The following CSMD3 variants were observed in gnomAD, a reference collection of about 807,000 sequenced individuals.
CSMD3 encodes CUB and sushi domain-containing protein 3.
CSMD3 carries 177 observed loss-of-function variants against 435.2 expected under a neutral mutation model. That is an observed-to-expected ratio of 0.41 (90% confidence interval 0.36 to 0.46). CSMD3 has a LOEUF of 0.46. Among genes scored for constraint, CSMD3 ranks in the 20% least tolerant of loss-of-function variants. The pLI is 0.34. For missense variants in CSMD3, 4,265 were observed against 4,504.6 expected (o/e 0.95, Z 1.52); for synonymous variants, 1,656 against 1,520.5 (o/e 1.09, Z -2.07).
chr8:113,139,621 A>G (rs1347414384), intron 4 of CSMD3, among the ~76,000 whole-genome samples: 1 of 151,244 alleles, frequency 6.6e-6, no homozygotes, highest in Non-Finnish European at 1.5e-5. Flanking sequence ...TTTAAACAGC[A>G]TTCCACAAAT....
intron 9 of CSMD3, among the ~76,000 whole-genome samples, chr8:112,936,960 A>G (rs1261035039): frequency 2.0e-5 from 3 of 152,104 alleles, no homozygotes; most frequent in Non-Finnish European, 4.4e-5. Context: ...TTTTACATTA[A>G]CATTGCAATT....
chr8:113,046,375 T>C (rs1309880817), intron 5 of CSMD3, among the ~76,000 whole-genome samples: 2 of 149,198 alleles, frequency 1.3e-5, no homozygotes, highest in African/African-American at 4.9e-5. Context: ...CAAACAACAA[T>C]AACAAAACAA....
At chr8:112,681,060 G>A in intron 16 of CSMD3, among the ~76,000 whole-genome samples, 1 of 147,512 alleles carries the variant, frequency 6.8e-6, no homozygotes, top group Admixed American at 6.8e-5. Context: ...TTTTAAGACA[G>A]AGTCTTGCTC....
chr8:112,402,636 A>T (rs1032706925), intron 35 of CSMD3, among the ~76,000 whole-genome samples: 1 of 152,146 alleles, frequency 6.6e-6, no homozygotes, highest in African/African-American at 2.4e-5. Flanking sequence ...CTACATAAAT[A>T]TATTAAAAGT....
At chr8:113,273,175 TA>T (rs2093543013) in intron 3 of CSMD3, among the ~76,000 whole-genome samples, 1 of 152,030 alleles carries the variant, frequency 6.6e-6, no homozygotes, top group Non-Finnish European at 1.5e-5. Context: ...TTTGTTTAAA[TA>T]AAACATTTTC....
At chr8:112,292,878 G>A (rs1046226501) in intron 54 of CSMD3, among the ~76,000 whole-genome samples, 168 bp from the exon 55 acceptor site, 1 of 152,066 alleles carries the variant, frequency 6.6e-6, no homozygotes, top group African/African-American at 2.4e-5. Context: ...GATGAACAAA[G>A]TAGAATGTCA....
Position 112,907,816 on chromosome 8 carries a change from T to A in CSMD3, c.1633+13811A>T, listed in dbSNP as rs969294211. 3.9e-4 allele frequency among the ~76,000 whole-genome samples: 59 copies of A among 151,502 alleles called. 1 individual carries two copies. The highest frequency in any genetic ancestry group is 1.1e-3 in the Admixed American group (16 of 15,132). Reference sequence around the variant, plus strand: ...ATATAGCAATGAATTATCTGCAGAATAGAAAAAGTAATGTTTTAAAGTAAG... The same window carrying A: ...ATATAGCAATGAATTATCTGCAGAAAAGAAAAAGTAATGTTTTAAAGTAAG... On this transcript the variant is annotated intron_variant, in intron 10 of 70. Transcript: ENST00000297405.
intron 24 of CSMD3, among the ~76,000 whole-genome samples, chr8:112,572,037 TAA>T (rs769667339): frequency 6.9e-6 from 1 of 145,386 alleles, no homozygotes; most frequent in Non-Finnish European, 1.5e-5. Flanking sequence ...ACAGCATATT[TAA>T]AAAAAAAAAA....
chr8:113,159,474 C>T (rs72685890), intron 4 of CSMD3, among the ~76,000 whole-genome samples: 14,614 of 151,858 alleles, frequency 0.096, 915 homozygotes, highest in Middle Eastern at 0.17. Flanking sequence ...CCATTACAAC[C>T]CTGAGTTCTC....
At chr8:112,602,260 T>C (rs1431730317) in intron 22 of CSMD3, among the ~76,000 whole-genome samples, 1 of 152,074 alleles carries the variant, frequency 6.6e-6, no homozygotes, top group Non-Finnish European at 1.5e-5. Context: ...CTTGAACAAA[T>C]AAAGGGTTAG....
At chr8:112,499,547 A>G (rs1224755932) in intron 30 of CSMD3, among the ~76,000 whole-genome samples, 1 of 152,092 alleles carries the variant, frequency 6.6e-6, no homozygotes, top group African/African-American at 2.4e-5. Context: ...ATAGACCACA[A>G]AACAAATCCT....
At chr8:113,198,618 A>G (rs1395696555) in intron 3 of CSMD3, among the ~76,000 whole-genome samples, 1 of 151,276 alleles carries the variant, frequency 6.6e-6, no homozygotes, top group Non-Finnish European at 1.5e-5. Context: ...GAAGTCCATA[A>G]TTACATTTTA....
chr8:112,319,918 T>C lies in CSMD3; in HGVS notation c.7229A>G (p.Asp2410Gly), dbSNP rs747417151. The C allele has an allele frequency of 1.2e-6, 2 of 1,611,462 alleles. No individual in the cohort carries two copies. The highest frequency in any genetic ancestry group is 1.7e-6 in the Non-Finnish European group (2 of 1,177,852). Reference sequence around the variant, plus strand: ...AGCTTTACCTATTTCAAATTCATCATCTTCCGTCAAAATTTCAGCATTGGG... The same window carrying C: ...AGCTTTACCTATTTCAAATTCATCACCTTCCGTCAAAATTTCAGCATTGGG... ...PVPNAEILTE[D>G]DEFEIGDIIR... Residue 2410 changes from aspartate (D) to glycine (G), a missense_variant, in exon 46 of 71, where the codon GAT becomes GGT. This residue lies in a region of CSMD3 where 3,255 missense variants were observed against 3,380.2 expected (regional missense o/e 0.96). Transcript: ENST00000297405.
chr8:113,032,211 A>G (rs2087140894), intron 5 of CSMD3, among the ~76,000 whole-genome samples: 1 of 151,648 alleles, frequency 6.6e-6, no homozygotes, highest in East Asian at 1.9e-4. Flanking sequence ...CGACTTTGGA[A>G]GTGGGTAAAA....
At chr8:113,233,008 G>A (rs983956559) in intron 3 of CSMD3, among the ~76,000 whole-genome samples, 2 of 151,776 alleles carry the variant, frequency 1.3e-5, no homozygotes, top group African/African-American at 4.8e-5. Flanking sequence ...TTTGTAGGCT[G>A]AAAAAGTTAA....
intron 21 of CSMD3, among the ~76,000 whole-genome samples, chr8:112,637,869 T>C (rs1459887742): frequency 6.6e-6 from 1 of 151,994 alleles, no homozygotes; most frequent in Non-Finnish European, 1.5e-5. Context: ...ATCCAAACAT[T>C]TCCACCCAAA....
In CSMD3 at chr8:112,383,672, T is replaced by C. The variant is rs1283771635; in HGVS notation, c.5935-9A>G. ...AAGCTAACAACTTGCACCTGTGAAA[T>C]AATAATTACAGGTAAGAATACACAT... On this transcript the variant is annotated splice_polypyrimidine_tract_variant and intron_variant, in intron 36 of 70. Coordinates refer to ENST00000297405, the MANE Select transcript of CSMD3 (RefSeq NM_198123.2). The C allele has an allele frequency of 2.0e-6, 3 of 1,503,942 alleles. No homozygotes were observed. The African/African-American group carries it at 4.1e-5, about 21-fold the overall frequency. The allele number at this position is 1,503,942 out of a possible 1,614,324, so 93.2% of individuals were successfully genotyped here.
intron 1 of CSMD3, among the ~76,000 whole-genome samples, chr8:113,390,018 C>T (rs1397571008): frequency 1.3e-5 from 2 of 151,734 alleles, no homozygotes; most frequent in Non-Finnish European, 3.0e-5. Context: ...TGTTATACTG[C>T]ATTGTGTGTA....
intron 4 of CSMD3, among the ~76,000 whole-genome samples, chr8:113,123,736 C>T (rs750687728): frequency 4.0e-5 from 6 of 151,894 alleles, no homozygotes; most frequent in African/African-American, 1.4e-4. Flanking sequence ...GCTGAGGTAT[C>T]CTTTTTTGTG....
Sources: allele counts gnomAD v4.1 joint callset (sites outside exome capture counted in the v4.1 genomes callset), GRCh38; gene constraint gnomAD v4.1.1; regional missense constraint gnomAD v4.1.1; transcripts MANE v1.5; gene names NCBI Gene and HGNC (gene_info 2026-07-23, HGNC 2026-07-21).